Variants in BBS1 observed in about 807,000 individuals in gnomAD.
BBS1 encodes the protein BBSome complex member BBS1.
BBS1 carries 60 observed loss-of-function variants against 73.9 expected under a neutral mutation model. The ratio of observed to expected loss-of-function variants is 0.81; its 90% CI spans 0.66 to 1.01. The LOEUF is 1.01. Among genes scored for constraint, BBS1 ranks in the 50% least tolerant of loss-of-function variants. BBS1 has a pLI of 0.00. For missense variants in BBS1, 718 were observed against 770.3 expected, an observed-to-expected ratio of 0.93 and a Z score of 0.80; for synonymous variants, 283 against 317.4, an observed-to-expected ratio of 0.89 and a Z score of 1.15.
intron 3 of BBS1, 27 bp downstream of exon 3, chr11:66,511,266 G>A (rs1387073824): frequency 1.2e-6 from 2 of 1,613,708 alleles, no homozygotes; most frequent in African/African-American, 2.7e-5. Context: ...AGCCAGGAGA[G>A]TTGAGGGTAG....
chr11:66,529,452 T>C (rs1174463034), intron 13 of BBS1: 11 of 799,010 alleles, frequency 1.4e-5, no homozygotes, highest in Non-Finnish European at 2.3e-5. Flanking sequence ...AGGACTCCTC[T>C]TTGTGGTGGT....
rs1856210611 is a variant in BBS1 at position 66,521,392 on chromosome 11, G to A, written c.830+16G>A. ...TTCTGAGAAGGTAGCCACATCCGTGGTCTCCGGGGCCGGGAGGAACATCTC... is the reference window on the plus strand; with the variant it reads ...TTCTGAGAAGGTAGCCACATCCGTGATCTCCGGGGCCGGGAGGAACATCTC... On this transcript the variant is annotated intron_variant, in intron 9 of 16. Coordinates refer to ENST00000318312, the MANE Select transcript of BBS1 (RefSeq NM_024649.5). 2 of 1,605,112 alleles carry A rather than the reference G, an allele frequency of 1.2e-6. No homozygotes were observed. The highest frequency in any genetic ancestry group is 2.7e-5 in the African/African-American group (2 of 74,754).
At chr11:66,526,252 T>G (rs1856485587) in intron 12 of BBS1, 60 bp downstream of exon 12, 2 of 1,523,980 alleles carry the variant, frequency 1.3e-6, no homozygotes, top group Non-Finnish European at 1.8e-6. Context: ...CAGGCCTGCT[T>G]CTGGGGAAAG....
chr11:66,514,779 G>A (rs556835641), intron 4 of BBS1, 101 bp downstream of exon 4: 3 of 1,410,750 alleles, frequency 2.1e-6, no homozygotes, highest in Admixed American at 3.4e-5. Context: ...GGTGGCAGGA[G>A]GTCAGCTATA....
intron 7 of BBS1, among the ~76,000 whole-genome samples, chr11:66,517,937 C>T (rs1272563733): frequency 6.8e-6 from 1 of 147,404 alleles, no homozygotes; most frequent in African/African-American, 2.5e-5. Flanking sequence ...TAGGATTATA[C>T]TAACGTCACT....
At position 66,519,651 on chromosome 11, in the gene BBS1, A is replaced by G; in HGVS notation, c.626A>G (p.Asn209Ser). The change falls in exon 8 of 17, where the codon AAC becomes AGC. Residue 209 changes from asparagine (N) to serine (S), a missense_variant. Asn to Ser is a conservative substitution (Grantham distance 46). Coordinates refer to ENST00000318312, the MANE Select transcript of BBS1 (RefSeq NM_024649.5). ...ACCACCATGACCACCTTGAAGAAGA[A>G]CCTGGCTGACGAGGATGCTGTGTCT... Reference protein sequence around the residue: ...VITTMTTLKKNLADEDAVSCL... With the variant: ...VITTMTTLKKSLADEDAVSCL... The G allele has an allele frequency of 6.2e-7, 1 of 1,613,770 alleles. No homozygotes were observed. Among genetic ancestry groups the G allele is most frequent in the East Asian group, 2.2e-5 (1 of 44,846 alleles).
chr11:66,511,514 A>G (rs1264982960), intron 3 of BBS1, among the ~76,000 whole-genome samples: 1 of 152,136 alleles, frequency 6.6e-6, no homozygotes, highest in African/African-American at 2.4e-5. Context: ...TGGAAGGGCA[A>G]ATCCCTTGGT....
At chr11:66,523,254 T>C in intron 9 of BBS1, 1 of 717,576 alleles carries the variant, frequency 1.4e-6, no homozygotes, top group South Asian at 1.5e-5. Flanking sequence ...GACACCATAG[T>C]GAAGGTGGGA....
In BBS1 at chr11:66,515,554, C is replaced by G; in HGVS notation, c.447C>G (p.Pro149=). ...CATTGTCACAGGACCGAATCGACCC[C>G]TTAACCCTGAAGGAGATGCTGGAGA... ...WNQAKEDRID[P]LTLKEMLESI... Residue 149 remains proline, a synonymous_variant, in exon 5 of 17, where the codon CCC becomes CCG. Coordinates refer to ENST00000318312, the MANE Select transcript of BBS1 (RefSeq NM_024649.5). 1 of 1,614,192 alleles carries G rather than the reference C, an allele frequency of 6.2e-7. No individual in the cohort carries two copies. The highest frequency in any genetic ancestry group is 8.5e-7 in the Non-Finnish European group (1 of 1,180,036).
At chr11:66,522,956 CAA>C (rs1264429912) in intron 9 of BBS1, 4 of 359,128 alleles carry the variant, frequency 1.1e-5, no homozygotes, top group Non-Finnish European at 2.2e-5. Flanking sequence ...TAGGCCAACT[CAA>C]AGTGGGAAAG....
At position 66,532,518 on chromosome 11, in the gene BBS1, G is replaced by A. The variant is rs1856829322; in HGVS notation, c.*481G>A. The A allele has an allele frequency of 6.1e-6, 1 of 164,346 alleles. No individual in the cohort carries two copies. The highest frequency in any genetic ancestry group is 1.3e-5 in the Non-Finnish European group (1 of 74,522). 10.2% of individuals were successfully genotyped at this position (164,346 alleles called of 1,614,324 possible). On this transcript the variant is annotated 3_prime_UTR_variant, in exon 17 of 17. Coordinates refer to ENST00000318312, the MANE Select transcript of BBS1 (RefSeq NM_024649.5). The stretch of plus-strand genomic sequence containing the variant: ...GTTGCTCCCTGGAGTTCCGGAGGCT[G>A]GGCTGCAGCCCACTCAGCTTGCGGG...
rs113998259 is a variant in BBS1 at position 66,513,436 on chromosome 11, A to T, written c.160-970A>T. 2.7e-3 allele frequency among the ~76,000 whole-genome samples: 409 copies of T among 152,318 alleles called. 2 individuals are homozygous for T. Among genetic ancestry groups the T allele is most frequent in the African/African-American group, 9.0e-3 (374 of 41,576 alleles). On this transcript the variant is annotated intron_variant, in intron 3 of 16. Transcript: ENST00000318312. ...TCAGACAGAACTAGCTCTACCACTT[A>T]ATAGCTGTATGACTTTTACTTAACT...
rs1272963515 is a variant in BBS1 at position 66,511,079 on chromosome 11, T to C, written c.114T>C (p.Ser38=). Residue 38 remains serine (S), a synonymous_variant, in exon 2 of 17, where the codon TCT becomes TCC. Coordinates refer to ENST00000318312, the MANE Select transcript of BBS1 (RefSeq NM_024649.5). ...CAATGGCCAATATCCACACCTTTTC[T>C]GCCTGCCTAGGTGAGTCTCTGGAAC... The part of the protein sequence containing the change: ...YDPMANIHTF[S]ACLALADLHG... 4.3e-6 allele frequency: 7 copies of C among 1,614,194 alleles called. No individual in the cohort carries two copies. The highest frequency in any genetic ancestry group is 1.7e-5 in the Admixed American group (1 of 60,016).
Position 66,531,747 on chromosome 11 carries a change from G to T in BBS1, c.1695+5G>T. Reference sequence around the variant, plus strand: ...GGCATCTCAGACATCATCAAGGTAGGCCCCGCACTTGTACCACGTGGAAGG... The same window carrying T: ...GGCATCTCAGACATCATCAAGGTAGTCCCCGCACTTGTACCACGTGGAAGG... On this transcript the variant is annotated splice_donor_5th_base_variant and intron_variant, in intron 16 of 16. Transcript: ENST00000318312. The T allele has an allele frequency of 6.2e-7, 1 of 1,613,956 alleles. No individual in the cohort carries two copies. Among genetic ancestry groups the T allele is most frequent in the Non-Finnish European group, 8.5e-7 (1 of 1,179,982 alleles).
At chr11:66,526,545 G>A in intron 12 of BBS1, 104 bp from the exon 13 acceptor site, 3 of 1,447,632 alleles carry the variant, frequency 2.1e-6, no homozygotes, top group Non-Finnish European at 2.9e-6. Flanking sequence ...AGACGGATGT[G>A]TACAGAAGCA....
intron 7 of BBS1, among the ~76,000 whole-genome samples, chr11:66,517,513 G>A (rs1391314414): frequency 6.7e-6 from 1 of 150,314 alleles, no homozygotes; most frequent in Non-Finnish European, 1.5e-5. Context: ...CTGTCGCCAG[G>A]CTGGAGTGCA....
chr11:66,531,833 T>TGGGTGG (rs1856796564), intron 16 of BBS1, 91 bp downstream of exon 16: 1 of 1,545,222 alleles, frequency 6.5e-7, no homozygotes, highest in East Asian at 2.3e-5. Flanking sequence ...AGGGGGCTCC[T>TGGGTGG]GGGTGGGGGT....
At chr11:66,522,902 A>C (rs1856303806) in intron 9 of BBS1, 1 of 346,988 alleles carries the variant, frequency 2.9e-6, no homozygotes, top group Non-Finnish European at 5.6e-6. Flanking sequence ...ATGGCTTGAA[A>C]GTTAAAAAGG....
rs587777829 is a variant in BBS1 at position 66,514,679 on chromosome 11, G to A, written c.432+1G>A. 2 of 1,610,648 alleles carry A rather than the reference G, an allele frequency of 1.2e-6. No individual in the cohort carries two copies. Among genetic ancestry groups the A allele is most frequent in the Admixed American group, 1.7e-5 (1 of 60,006 alleles). On this transcript the variant is annotated splice_donor_variant, in intron 4 of 16. Transcript: ENST00000318312. LOFTEE classifies it high-confidence loss of function. ...AGACCTTTGGAACCAGGCCAAAGAG[G>A]TAAATAAATAACATGGGAGTTGGGA...
Sources: allele counts gnomAD v4.1 joint callset (sites outside exome capture counted in the v4.1 genomes callset), GRCh38; gene constraint gnomAD v4.1.1; transcripts MANE v1.5; gene names NCBI Gene and HGNC (gene_info 2026-07-23, HGNC 2026-07-21).